Variants in CARM1 observed in about 807,000 individuals in gnomAD.
CARM1 encodes the protein histone-arginine methyltransferase CARM1.
Under a neutral mutation model 72.7 loss-of-function variants are expected in CARM1, and 14 were observed. That is an observed-to-expected ratio of 0.19 (90% CI 0.13 to 0.30). The LOEUF (loss-of-function observed/expected upper bound fraction) is 0.30, where lower values mean the gene tolerates loss of function less well. Ranked by LOEUF, CARM1 falls within the 10% of genes least tolerant of loss-of-function variation. The pLI, the probability that CARM1 is intolerant of heterozygous loss-of-function variation, is 1.00. For missense variants in CARM1, 432 were observed against 833.7 expected (o/e 0.52, Z 5.93); for synonymous variants, 333 against 345.5 (o/e 0.96, Z 0.40).
chr19:10,894,043 C>T (rs2074006741), intron 1 of CARM1, among the ~76,000 whole-genome samples: 1 of 152,232 alleles, frequency 6.6e-6, no homozygotes, highest in Admixed American at 6.5e-5. Flanking sequence ...GCTTCTGGTT[C>T]CCAGTTTGGA....
intron 1 of CARM1, among the ~76,000 whole-genome samples, chr19:10,888,465 A>ACC (rs2073957301): frequency 6.6e-6 from 1 of 152,184 alleles, no homozygotes; most frequent in Admixed American, 6.6e-5. Context: ...TGGTTTGAGC[A>ACC]CTAACCGAGG....
chr19:10,904,230 A>G (rs1258922831), intron 1 of CARM1, among the ~76,000 whole-genome samples: 2 of 152,234 alleles, frequency 1.3e-5, no homozygotes, highest in Non-Finnish European at 2.9e-5. Flanking sequence ...GACTAGGGCA[A>G]ACATTTTTGC....
At chr19:10,879,709 G>A (rs2073887871) in intron 1 of CARM1, among the ~76,000 whole-genome samples, 1 of 152,106 alleles carries the variant, frequency 6.6e-6, no homozygotes, top group Non-Finnish European at 1.5e-5. Flanking sequence ...AGCCTCCCAG[G>A]TTCAAGTCAT....
In CARM1 at chr19:10,921,364, T is replaced by C; in HGVS notation, c.1616-11T>C. 4 of 1,610,362 alleles carry C rather than the reference T, an allele frequency of 2.5e-6. No individual in the cohort carries two copies. The highest frequency in any genetic ancestry group is 3.4e-6 in the Non-Finnish European group (4 of 1,178,968). ...GTCTCCCTTCCTTCTTTCCTCCCTC[T>C]CGCTGCGCAGCCAACACGGGGATTG... On this transcript the variant is annotated splice_polypyrimidine_tract_variant and intron_variant, in intron 14 of 15. Transcript: ENST00000327064.
chr19:10,909,660 G>A (rs1224511971), intron 4 of CARM1, among the ~76,000 whole-genome samples: 2 of 150,784 alleles, frequency 1.3e-5, no homozygotes, highest in South Asian at 2.1e-4. Context: ...TGGCATGAAC[G>A]CAGGAGGCAG....
intron 1 of CARM1, among the ~76,000 whole-genome samples, chr19:10,875,251 C>G (rs865847779): frequency 4.6e-5 from 7 of 152,262 alleles, no homozygotes; most frequent in African/African-American, 1.2e-4. Context: ...TGCAGTGGAT[C>G]CAGCTGTTGC....
chr19:10,871,713 C>T lies in CARM1; in HGVS notation c.11C>T (p.Ala4Val). 2.2e-6 allele frequency: 2 copies of T among 901,374 alleles called. No individual in the cohort carries two copies. The highest frequency in any genetic ancestry group is 2.7e-6 in the Non-Finnish European group (2 of 753,714). The allele number at this position is 901,374 out of a possible 1,614,324, so 55.8% of individuals were successfully genotyped here. A position where few individuals can be genotyped will look rare whatever the true frequency, so the allele number is the denominator to read the frequency against. The change falls in exon 1 of 16, where the codon GCG becomes GTG. Residue 4 changes from alanine to valine, a missense_variant. Physicochemically the swap from Ala to Val is moderately conservative, Grantham distance 64 (BLOSUM62 0). Coordinates refer to ENST00000327064, the MANE Select transcript of CARM1 (RefSeq NM_199141.2). The surrounding 1 kb of genome is among the most constrained non-coding windows in gnomAD (Gnocchi z 5.6). Reference sequence around the variant, plus strand: ...GGAGCCGGATCTAAGATGGCAGCGGCGGCGGCGGCGGTGGGGCCGGGCGCG... The same window carrying T: ...GGAGCCGGATCTAAGATGGCAGCGGTGGCGGCGGCGGTGGGGCCGGGCGCG... MAA[A>V]AAAVGPGAGG...
Position 10,915,085 on chromosome 19 carries a change from G to T in CARM1, c.847+1031G>T, listed in dbSNP as rs531936553. The stretch of plus-strand genomic sequence containing the variant: ...GTGGGGCTTGTGCAGGCAGGGGCAG[G>T]GGGGAAGCTTCCACTCTCATCTCTG... On this transcript the variant is annotated intron_variant, in intron 6 of 15. Coordinates refer to ENST00000327064, the MANE Select transcript of CARM1 (RefSeq NM_199141.2). The surrounding 1 kb of genome is among the most constrained non-coding windows in gnomAD (Gnocchi z 4.6). Among the ~76,000 whole-genome samples the T allele has an allele frequency of 2.6e-5, 4 of 152,318 alleles. No homozygotes were observed. The South Asian group carries it at 8.3e-4, about 32-fold the overall frequency.
intron 1 of CARM1, among the ~76,000 whole-genome samples, chr19:10,882,832 C>T (rs776180786): frequency 9.2e-5 from 14 of 152,072 alleles, no homozygotes; most frequent in Non-Finnish European, 1.3e-4. Flanking sequence ...CATGAGCCAC[C>T]GTGCCCGACC....
At chr19:10,905,563 G>A (rs2074097028) in intron 2 of CARM1, among the ~76,000 whole-genome samples, 1 of 152,232 alleles carries the variant, frequency 6.6e-6, no homozygotes, top group Admixed American at 6.5e-5. Context: ...GGGTAGCAGA[G>A]AGGTGTCCAG....
chr19:10,910,642 T>C (rs2074142078), intron 4 of CARM1, among the ~76,000 whole-genome samples: 2 of 149,836 alleles, frequency 1.3e-5, no homozygotes, highest in South Asian at 2.2e-4. Context: ...CTCGGCTCAC[T>C]GCAACCTCCG....
intron 1 of CARM1, among the ~76,000 whole-genome samples, chr19:10,880,666 G>A (rs2073896170): frequency 6.6e-6 from 1 of 152,166 alleles, no homozygotes; most frequent in African/African-American, 2.4e-5. Context: ...CAGAGCTCGG[G>A]TTCTTAATCT....
In CARM1 at chr19:10,916,513, G is replaced by T. The variant is rs1458874465; in HGVS notation, c.938+16G>T. On this transcript the variant is annotated intron_variant, in intron 7 of 15. Transcript: ENST00000327064. The surrounding 1 kb of genome is among the most constrained non-coding windows in gnomAD (Gnocchi z 4.4). ...CCAACTTCTGGTGAGTGTGCCCTGG[G>T]TGTCCCGCCTGGGCCCCACAGCCTG... The T allele has an allele frequency of 6.3e-7, 1 of 1,587,424 alleles. No homozygotes were observed. Among genetic ancestry groups the T allele is most frequent in the African/African-American group, 1.3e-5 (1 of 74,466 alleles).
chr19:10,919,289 G>A (rs1417113945), intron 8 of CARM1: 1 of 312,760 alleles, frequency 3.2e-6, no homozygotes, highest in Non-Finnish European at 5.9e-6. Flanking sequence ...GGTTTCCAGT[G>A]TGTCGCTACC....
In CARM1 at chr19:10,923,007, G is replaced by T. The variant is rs182980730; in HGVS notation, c.*1250G>T. 6.6e-4 allele frequency: 198 copies of T among 299,738 alleles called. 1 individual carries two copies. The East Asian group carries it at 0.013, about 19-fold the overall frequency. 18.6% of individuals were successfully genotyped at this position (299,738 alleles called of 1,614,324 possible). A position where few individuals can be genotyped will look rare whatever the true frequency, so the allele number is the denominator to read the frequency against. On this transcript the variant is annotated 3_prime_UTR_variant, in exon 16 of 16. Transcript: ENST00000327064. ...AAAGCTCCCTGCTCGGCTGCCCCTC[G>T]CCCGCCTTTATATAAATTCTCTGAA...
chr19:10,914,880 T>C (rs2074182908), intron 6 of CARM1, among the ~76,000 whole-genome samples: 1 of 152,228 alleles, frequency 6.6e-6, no homozygotes, highest in Non-Finnish European at 1.5e-5. Context: ...TATTTGCCCA[T>C]CTGTCTTGGG....
chr19:10,883,665 T>G (rs1224832336), intron 1 of CARM1, among the ~76,000 whole-genome samples: 1 of 152,182 alleles, frequency 6.6e-6, no homozygotes, highest in Admixed American at 6.5e-5. Flanking sequence ...GCAATCCTCC[T>G]GCCTTAGCCT....
chr19:10,890,119 A>G (rs2073970540), intron 1 of CARM1, among the ~76,000 whole-genome samples: 1 of 152,142 alleles, frequency 6.6e-6, no homozygotes, highest in African/African-American at 2.4e-5. Context: ...ATGGTGGTGC[A>G]TGCAAGCCTG....
In CARM1 at chr19:10,920,051, T is replaced by TG. The variant is rs1379410843; in HGVS notation, c.1196+87dup. ...GCAACCTGGCTGGGGGGGTGGAACA[T>TG]GGCTCCAGGTTCCACCATCCCTTCC... On this transcript the variant is annotated intron_variant, in intron 10 of 15. Coordinates refer to ENST00000327064, the MANE Select transcript of CARM1 (RefSeq NM_199141.2). This position sits in a 1 kb window ranked among gnomAD's most constrained non-coding sequence, Gnocchi z 5.3. The TG allele has an allele frequency of 2.8e-5, 29 of 1,028,258 alleles. 1 individual carries two copies. The Admixed American group carries it at 5.5e-4, about 20-fold the overall frequency. 63.7% of individuals were successfully genotyped at this position (1,028,258 alleles called of 1,614,324 possible). A position where few individuals can be genotyped will look rare whatever the true frequency, so the allele number is the denominator to read the frequency against.
Sources: gnomAD v4.1 joint callset for allele counts (sites outside exome capture counted in the v4.1 genomes callset) on GRCh38, gnomAD v4.1.1 for gene constraint, Gnocchi (gnomAD v3.1) non-coding constraint, MANE v1.5 for transcripts, NCBI Gene and HGNC (gene_info 2026-07-23, HGNC 2026-07-21) for gene names.